The following USP33 variants were observed in gnomAD, a reference collection of about 807,000 sequenced individuals.
USP33 encodes ubiquitin carboxyl-terminal hydrolase 33.
A neutral mutation model predicts 124.2 loss-of-function variants in USP33; 46 were observed. The ratio of observed to expected loss-of-function variants is 0.37; its 90% CI spans 0.29 to 0.47. The LOEUF is 0.47. USP33 is among the 20% of genes least tolerant of loss of function. The pLI is 0.99. For synonymous variants in USP33, 350 were observed against 352.3 expected (o/e 0.99, Z 0.07); for missense variants, 851 against 1,070.6 (o/e 0.79, Z 2.86).
intron 17 of USP33, among the ~76,000 whole-genome samples, chr1:77,717,205 T>C (rs1676016579): frequency 6.6e-6 from 1 of 151,782 alleles, no homozygotes; most frequent in Non-Finnish European, 1.5e-5. Flanking sequence ...AAAATCATGT[T>C]AGGGCCAGGC....
intron 1 of USP33, chr1:77,746,284 G>A (rs1287687570): frequency 2.0e-5 from 3 of 152,116 alleles, no homozygotes; most frequent in Admixed American, 6.5e-5. Context: ...AAATCTAGAC[G>A]AAATGGATAA....
intron 1 of USP33, among the ~76,000 whole-genome samples, chr1:77,750,084 G>A (rs1265865346): frequency 2.0e-5 from 3 of 152,004 alleles, no homozygotes; most frequent in African/African-American, 7.3e-5. Flanking sequence ...TTGGGAGGCC[G>A]AAGTAGGTGG....
At chr1:77,740,749 T>C (rs1025844007) in intron 4 of USP33, 128 bp downstream of exon 4, 2 of 685,830 alleles carry the variant, frequency 2.9e-6, no homozygotes, top group African/African-American at 3.7e-5. Flanking sequence ...TCACAGAGAA[T>C]GTAAGTGAAG....
At chr1:77,699,717 A>C (rs1673790835) in intron 22 of USP33, among the ~76,000 whole-genome samples, 1 of 152,230 alleles carries the variant, frequency 6.6e-6, no homozygotes, top group Non-Finnish European at 1.5e-5. Context: ...AACACAATTC[A>C]TTCTATTATA....
chr1:77,752,848 C>T (rs1475131867), intron 1 of USP33, among the ~76,000 whole-genome samples: 1 of 152,036 alleles, frequency 6.6e-6, no homozygotes, highest in Non-Finnish European at 1.5e-5. Flanking sequence ...GAGGCCGAGG[C>T]CGGTGGATCA....
At chr1:77,741,223 CA>C (rs1679081651) in intron 3 of USP33, among the ~76,000 whole-genome samples, 152 bp downstream of exon 3, 1 of 152,002 alleles carries the variant, frequency 6.6e-6, no homozygotes, top group South Asian at 2.1e-4. Context: ...AAGATCTTTC[CA>C]AAGTTTAATT....
chr1:77,697,900 A>C lies in USP33; in HGVS notation c.2541T>G (p.Ile847Met). The change falls in exon 23 of 24, where the codon ATT becomes ATG. Residue 847 changes from isoleucine (I) to methionine (M), a missense_variant. Transcript: ENST00000370794. Reference sequence around the variant, plus strand: ...TCACATTACCACATTTAGTGACTGCAATCTTAGTATTGTCAATAGGACCTG... The same window carrying C: ...TCACATTACCACATTTAGTGACTGCCATCTTAGTATTGTCAATAGGACCTG... ...DPPGPIDNTK[I>M]AVTKCGNVML... 1.2e-6 allele frequency: 2 copies of C among 1,611,196 alleles called. No individual in the cohort carries two copies. Among genetic ancestry groups the C allele is most frequent in the Non-Finnish European group, 1.7e-6 (2 of 1,179,262 alleles).
In USP33 at chr1:77,734,419, A is replaced by G. The variant is rs1678184764; in HGVS notation, c.455-3T>C. The G allele has an allele frequency of 1.9e-6, 3 of 1,570,092 alleles. No homozygotes were observed. The highest frequency in any genetic ancestry group is 2.6e-6 in the Non-Finnish European group (3 of 1,156,006). On this transcript the variant is annotated splice_polypyrimidine_tract_variant and splice_region_variant and intron_variant, in intron 6 of 23. Transcript: ENST00000370794. ...AATATTTTTCAAACCTGTAAGACCTATTAAGAAAAAATATACATGAAGTCA... is the reference window on the plus strand; with the variant it reads ...AATATTTTTCAAACCTGTAAGACCTGTTAAGAAAAAATATACATGAAGTCA...
intron 22 of USP33, among the ~76,000 whole-genome samples, chr1:77,701,078 C>A (rs535127860): frequency 1.2e-4 from 19 of 152,214 alleles, no homozygotes; most frequent in Non-Finnish European, 2.2e-4. Context: ...TTGAATAAAC[C>A]ATACTTTAAG....
intron 1 of USP33, among the ~76,000 whole-genome samples, chr1:77,744,584 C>T (rs924467540): frequency 8.5e-5 from 13 of 152,284 alleles, no homozygotes; most frequent in African/African-American, 2.9e-4. Context: ...TAGCTAATGC[C>T]TATAATCCCA....
intron 21 of USP33, among the ~76,000 whole-genome samples, chr1:77,706,552 T>C (rs891489615): frequency 6.6e-6 from 1 of 152,238 alleles, no homozygotes; most frequent in Non-Finnish European, 1.5e-5. Context: ...GAATGACTCA[T>C]TCGTAACCAT....
intron 2 of USP33, 74 bp downstream of exon 2, chr1:77,741,543 C>A: frequency 1.3e-6 from 2 of 1,536,272 alleles, no homozygotes; most frequent in African/African-American, 1.4e-5. Flanking sequence ...TAGAGTATTA[C>A]AGTAATTTAT....
Position 77,697,261 on chromosome 1 carries a change from T to G in USP33, c.*56A>C. On this transcript the variant is annotated 3_prime_UTR_variant, in exon 24 of 24. Transcript: ENST00000370794. ...GCTTTTAGGAATGTTTTCGCATGTG[T>G]ACATGTCAGGGCACATGAAAATGAT... 6.9e-7 allele frequency: 1 copy of G among 1,458,366 alleles called. No homozygotes were observed. Among genetic ancestry groups the G allele is most frequent in the Non-Finnish European group, 9.2e-7 (1 of 1,086,284 alleles). The allele number at this position is 1,458,366 out of a possible 1,614,324, so 90.3% of individuals were successfully genotyped here.
chr1:77,710,545 T>C (rs1225152554), intron 21 of USP33, among the ~76,000 whole-genome samples: 3 of 152,188 alleles, frequency 2.0e-5, no homozygotes, highest in African/African-American at 7.2e-5. Context: ...ATGAAGCCCA[T>C]GTAAAATAAA....
chr1:77,755,221 C>A (rs749113146), intron 1 of USP33, among the ~76,000 whole-genome samples: 3 of 152,088 alleles, frequency 2.0e-5, no homozygotes, highest in African/African-American at 4.8e-5. Context: ...TTCAGTTCAG[C>A]TTGTGAGCAA....
chr1:77,742,816 A>G (rs1247679358), intron 1 of USP33, among the ~76,000 whole-genome samples: 1 of 152,190 alleles, frequency 6.6e-6, no homozygotes, highest in Non-Finnish European at 1.5e-5. Flanking sequence ...GTGGTTTATA[A>G]GTTATTCAAT....
chr1:77,740,136 A>ACTTC (rs1401263057), intron 4 of USP33, among the ~76,000 whole-genome samples: 2 of 152,192 alleles, frequency 1.3e-5, no homozygotes, highest in South Asian at 2.1e-4. Flanking sequence ...ACATAACACT[A>ACTTC]TAGAAGAGGC....
chr1:77,698,224 C>T (rs566572034), intron 22 of USP33, among the ~76,000 whole-genome samples: 8 of 150,148 alleles, frequency 5.3e-5, no homozygotes, highest in East Asian at 2.0e-4. Flanking sequence ...CCACCACGCC[C>T]GGCTAATTTT....
At chr1:77,697,596 C>G in intron 23 of USP33, 122 bp from the exon 24 acceptor site, 1 of 1,172,912 alleles carries the variant, frequency 8.5e-7, no homozygotes, top group Admixed American at 2.8e-5. Context: ...GAACATGAAT[C>G]TGCAGACTAC....
Sources: gnomAD v4.1 joint callset for allele counts (sites outside exome capture counted in the v4.1 genomes callset) on GRCh38, gnomAD v4.1.1 for gene constraint, MANE v1.5 for transcripts, NCBI Gene and HGNC (gene_info 2026-07-23, HGNC 2026-07-21) for gene names.